Variants in TBC1D14 observed in about 807,000 individuals in gnomAD.
TBC1D14 encodes the protein TBC1 domain family, member 14.
A neutral mutation model predicts 79.0 loss-of-function variants in TBC1D14; 26 were observed. That is an observed-to-expected ratio of 0.33 (90% CI 0.24 to 0.46). The LOEUF is 0.46. TBC1D14 is among the 20% of genes least tolerant of loss of function. The pLI, the probability that TBC1D14 is intolerant of heterozygous loss-of-function variation, is 1.00. For synonymous variants in TBC1D14, 394 were observed against 349.9 expected (o/e 1.13, Z -1.40); for missense variants, 769 against 887.6 (o/e 0.87, Z 1.70).
intron 3 of TBC1D14, among the ~76,000 whole-genome samples, chr4:6,981,879 A>G (rs1717404678): frequency 1.3e-5 from 2 of 152,224 alleles, no homozygotes; most frequent in Admixed American, 6.5e-5. Flanking sequence ...CCCACCTGAT[A>G]AAGAGCATCT....
intron 11 of TBC1D14, among the ~76,000 whole-genome samples, chr4:7,012,984 TATAA>T (rs745710352): frequency 2.2e-4 from 33 of 152,238 alleles, no homozygotes; most frequent in Non-Finnish European, 4.4e-4. Flanking sequence ...TTTATCTTTT[TATAA>T]ATAAATACAT....
chr4:7,004,063 G>A (rs1033160526), intron 7 of TBC1D14, among the ~76,000 whole-genome samples: 4 of 152,104 alleles, frequency 2.6e-5, no homozygotes, highest in Admixed American at 6.5e-5. Flanking sequence ...GGGCTGTGTC[G>A]GGGAACAGGG....
chr4:6,973,496 C>A (rs1406239614), intron 3 of TBC1D14, among the ~76,000 whole-genome samples: 1 of 152,186 alleles, frequency 6.6e-6, no homozygotes, highest in Admixed American at 6.5e-5. Flanking sequence ...GGAATAAGCA[C>A]ATTCCACCCG....
intron 2 of TBC1D14, among the ~76,000 whole-genome samples, chr4:6,945,587 A>G (rs1041453554): frequency 1.3e-5 from 2 of 152,188 alleles, no homozygotes; most frequent in Admixed American, 6.5e-5. Flanking sequence ...CGTCTCTACT[A>G]AAAATGCAAA....
At chr4:6,969,272 A>G (rs1355916467) in intron 3 of TBC1D14, among the ~76,000 whole-genome samples, 2 of 152,248 alleles carry the variant, frequency 1.3e-5, no homozygotes, top group African/African-American at 2.4e-5. Context: ...GAAATTAAAT[A>G]ACCAAGCTGC....
chr4:6,947,237 C>G (rs1713561502), intron 2 of TBC1D14, among the ~76,000 whole-genome samples: 1 of 152,136 alleles, frequency 6.6e-6, no homozygotes, highest in African/African-American at 2.4e-5. Flanking sequence ...GTGGCTCAAG[C>G]CTGTAATCCC....
At chr4:7,027,501 TAC>T (rs141896593) in intron 13 of TBC1D14, among the ~76,000 whole-genome samples, 2,023 of 123,062 alleles carry the variant, frequency 0.016, 63 homozygotes, top group African/African-American at 0.06. Flanking sequence ...GTCACACCCC[TAC>T]ACCTCACACC....
At chr4:6,969,341 A>G (rs999900727) in intron 3 of TBC1D14, among the ~76,000 whole-genome samples, 8 of 152,142 alleles carry the variant, frequency 5.3e-5, no homozygotes, top group Non-Finnish European at 7.3e-5. Flanking sequence ...AAAGAAATAG[A>G]TCTTCCCATG....
chr4:6,980,806 A>G (rs895931987), intron 3 of TBC1D14, among the ~76,000 whole-genome samples: 1 of 142,652 alleles, frequency 7.0e-6, no homozygotes, highest in Admixed American at 7.1e-5. Flanking sequence ...ACCTCTGCCT[A>G]CCGGGTGCAT....
Position 7,025,525 on chromosome 4 carries a change from G to C in TBC1D14, c.2016+263G>C, listed in dbSNP as rs146972061. 2.2e-3 allele frequency among the ~76,000 whole-genome samples: 330 copies of C among 152,334 alleles called. 1 individual carries two copies. Among genetic ancestry groups the C allele is most frequent in the African/African-American group, 7.7e-3 (319 of 41,570 alleles). On this transcript the variant is annotated intron_variant, in intron 13 of 13. Coordinates refer to ENST00000409757, the MANE Select transcript of TBC1D14 (RefSeq NM_020773.3). ...CTCTGCAGTGGCATTGGGAGGGTCA[G>C]CACTTGTATCATTATAGTGCTCTTT...
chr4:6,921,702 T>TG (rs2108917907), intron 1 of TBC1D14, among the ~76,000 whole-genome samples: 1 of 148,058 alleles, frequency 6.8e-6, no homozygotes, highest in East Asian at 2.0e-4. Flanking sequence ...AATTTTTTTT[T>TG]TTTTTTTTTT....
chr4:6,980,298 A>C (rs1413374371), intron 3 of TBC1D14, among the ~76,000 whole-genome samples: 2 of 152,190 alleles, frequency 1.3e-5, no homozygotes, highest in Non-Finnish European at 2.9e-5. Flanking sequence ...CTTCTAAATC[A>C]TGGGCCCATG....
intron 2 of TBC1D14, among the ~76,000 whole-genome samples, chr4:6,931,222 T>G (rs2108945759): frequency 6.6e-6 from 1 of 152,298 alleles, no homozygotes; most frequent in East Asian, 1.9e-4. Flanking sequence ...TCTGACACTG[T>G]TTTGATTCCC....
At chr4:7,027,091 A>G (rs186571127) in intron 13 of TBC1D14, among the ~76,000 whole-genome samples, 9 of 152,104 alleles carry the variant, frequency 5.9e-5, no homozygotes, top group Non-Finnish European at 1.3e-4. Flanking sequence ...GGCTCCTGCA[A>G]TCCCAGCTAC....
In TBC1D14 at chr4:6,982,503, C is replaced by G. The variant is rs117470955; in HGVS notation, c.844-11681C>G. ...TGAGAGTGATCCAACTGTTTTATAT[C>G]TTGATTGTCATAATGGTGGCTACAA... On this transcript the variant is annotated intron_variant, in intron 3 of 13. Coordinates refer to ENST00000409757, the MANE Select transcript of TBC1D14 (RefSeq NM_020773.3). Among the ~76,000 whole-genome samples the G allele has an allele frequency of 2.6e-3, 390 of 152,288 alleles. 16 individuals carry two copies. The East Asian group carries it at 0.066, about 26-fold the overall frequency.
intron 3 of TBC1D14, among the ~76,000 whole-genome samples, chr4:6,990,474 G>T (rs1348535775): frequency 2.0e-5 from 3 of 152,176 alleles, no homozygotes; most frequent in Non-Finnish European, 4.4e-5. Flanking sequence ...TCCCTTTAGG[G>T]TTGTCCAGGG....
intron 9 of TBC1D14, 134 bp from the exon 10 acceptor site, chr4:7,009,743 G>T: frequency 1.1e-6 from 1 of 879,920 alleles, no homozygotes. Context: ...TAGAGCTGCT[G>T]GCATCATGCT....
Position 6,972,161 on chromosome 4 carries a change from G to A in TBC1D14, c.843+4737G>A, listed in dbSNP as rs1365508732. On this transcript the variant is annotated intron_variant, in intron 3 of 13. Coordinates refer to ENST00000409757, the MANE Select transcript of TBC1D14 (RefSeq NM_020773.3). The stretch of plus-strand genomic sequence containing the variant: ...TTGTTTCACAGATTTGAGCCTCTGA[G>A]TAGATCCATCCTGAGATTACAGTGA... Among the ~76,000 whole-genome samples, 5 of 152,206 alleles carry A rather than the reference G, an allele frequency of 3.3e-5. No individual in the cohort carries two copies. In the South Asian group the frequency reaches 6.2e-4, roughly 19 times the overall value.
chr4:6,986,584 C>G (rs1157355418), intron 3 of TBC1D14, among the ~76,000 whole-genome samples: 1 of 152,240 alleles, frequency 6.6e-6, no homozygotes, highest in Non-Finnish European at 1.5e-5. Flanking sequence ...GGCCCCGTCA[C>G]GGGAGAGCCT....
Sources: allele counts gnomAD v4.1 joint callset (sites outside exome capture counted in the v4.1 genomes callset), GRCh38; gene constraint gnomAD v4.1.1; transcripts MANE v1.5; gene names NCBI Gene and HGNC (gene_info 2026-07-23, HGNC 2026-07-21).